Variants in HHAT observed in about 807,000 individuals in gnomAD.
The protein encoded by HHAT is hedgehog acyltransferase, also known as protein-cysteine N-palmitoyltransferase HHAT.
Under a neutral mutation model 70.8 loss-of-function variants are expected in HHAT, and 47 were observed. The observed-to-expected ratio is 0.66, with a 90% confidence interval of 0.53 to 0.85. The LOEUF (loss-of-function observed/expected upper bound fraction) is 0.85, where lower values mean the gene tolerates loss of function less well. HHAT is among the 40% of genes least tolerant of loss of function. The pLI is 0.00. For synonymous variants in HHAT, 228 were observed against 247.6 expected, an observed-to-expected ratio of 0.92 and a Z score of 0.74; for missense variants, 609 against 604.8, an observed-to-expected ratio of 1.01 and a Z score of -0.07.
At chr1:210,445,194 C>T (rs969162820) in intron 7 of HHAT, among the ~76,000 whole-genome samples, 11 of 152,144 alleles carry the variant, frequency 7.2e-5, no homozygotes, top group Admixed American at 2.0e-4. Flanking sequence ...CATAATAGTG[C>T]GGAGAATATA....
chr1:210,579,147 G>A (rs1213455483), intron 9 of HHAT, among the ~76,000 whole-genome samples: 1 of 152,172 alleles, frequency 6.6e-6, no homozygotes, highest in Non-Finnish European at 1.5e-5. Flanking sequence ...GAGATGGAGG[G>A]TGGGAGGAGG....
intron 1 of HHAT, among the ~76,000 whole-genome samples, chr1:210,347,917 A>T (rs920075490): frequency 1.5e-4 from 23 of 152,220 alleles, no homozygotes; most frequent in Admixed American, 1.2e-3. Flanking sequence ...GAATGGAGCT[A>T]TTCAGGTGTC....
intron 10 of HHAT, among the ~76,000 whole-genome samples, chr1:210,611,501 TTC>T (rs1666579233): frequency 6.6e-6 from 1 of 152,186 alleles, no homozygotes; most frequent in Non-Finnish European, 1.5e-5. Flanking sequence ...CTTTATTTAT[TTC>T]TCTTGCCTGA....
At chr1:210,655,639 A>G (rs755056527) in intron 11 of HHAT, among the ~76,000 whole-genome samples, 6 of 152,202 alleles carry the variant, frequency 3.9e-5, no homozygotes, top group Non-Finnish European at 7.3e-5. Flanking sequence ...AGGGTCTGTA[A>G]GGCACAAAAA....
intron 2 of HHAT, among the ~76,000 whole-genome samples, chr1:210,354,246 C>A (rs540994799): frequency 6.6e-5 from 9 of 135,914 alleles, no homozygotes; most frequent in Non-Finnish European, 1.2e-4. Flanking sequence ...GCTCTGTTAC[C>A]CAGGCTGGAG....
intron 9 of HHAT, among the ~76,000 whole-genome samples, chr1:210,541,890 G>A (rs12033957): frequency 0.26 from 39,153 of 152,054 alleles, 5,287 homozygotes; most frequent in Middle Eastern, 0.34. Flanking sequence ...GCCCCAGGCC[G>A]ACAATGTGAG....
At chr1:210,380,108 A>G (rs1165076822) in intron 3 of HHAT, among the ~76,000 whole-genome samples, 1 of 152,222 alleles carries the variant, frequency 6.6e-6, no homozygotes, top group East Asian at 1.9e-4. Context: ...TCATTGTATA[A>G]TCATTCAAAT....
chr1:210,474,372 C>T (rs2094264756), intron 8 of HHAT, among the ~76,000 whole-genome samples: 2 of 152,202 alleles, frequency 1.3e-5, no homozygotes. Flanking sequence ...CTCACTGCAA[C>T]CGCCACCTTC....
At chr1:210,468,243 A>AT (rs980271891) in intron 8 of HHAT, among the ~76,000 whole-genome samples, 4 of 152,098 alleles carry the variant, frequency 2.6e-5, no homozygotes, top group Non-Finnish European at 4.4e-5. Context: ...TGTAATGAGC[A>AT]TTTTTTGCCA....
chr1:210,335,030 A>G (rs2085352890), intron 1 of HHAT, among the ~76,000 whole-genome samples: 1 of 152,166 alleles, frequency 6.6e-6, no homozygotes, highest in Non-Finnish European at 1.5e-5. Flanking sequence ...AAGAGGAACC[A>G]CTTTCCGGTT....
intron 11 of HHAT, among the ~76,000 whole-genome samples, chr1:210,667,715 C>A (rs6540618): frequency 0.41 from 59,654 of 146,654 alleles, 11,930 homozygotes; most frequent in Non-Finnish European, 0.43. Context: ...CCCCAGGCAA[C>A]CCCCGATATG....
intron 2 of HHAT, 129 bp downstream of exon 2, chr1:210,349,195 C>T (rs2086794725): frequency 2.0e-6 from 2 of 976,522 alleles, no homozygotes; most frequent in Admixed American, 2.6e-5. Context: ...TTTGCTTCCC[C>T]ATGTCTTGGA....
At chr1:210,543,402 A>G (rs1419740847) in intron 9 of HHAT, among the ~76,000 whole-genome samples, 1 of 150,904 alleles carries the variant, frequency 6.6e-6, no homozygotes, top group African/African-American at 2.5e-5. Flanking sequence ...TGTTCAAATA[A>G]TCTCTCTTCA....
At chr1:210,673,180 C>T (rs1680432588) in intron 11 of HHAT, among the ~76,000 whole-genome samples, 1 of 152,140 alleles carries the variant, frequency 6.6e-6, no homozygotes, top group East Asian at 1.9e-4. Context: ...TGTCTCATTG[C>T]CAAGGACAAG....
chr1:210,581,720 T>A (rs1042910809), intron 9 of HHAT, among the ~76,000 whole-genome samples: 6 of 152,356 alleles, frequency 3.9e-5, no homozygotes, highest in Admixed American at 3.9e-4. Context: ...CTGTATTCTT[T>A]AGGAATAGGT....
intron 1 of HHAT, among the ~76,000 whole-genome samples, chr1:210,329,828 A>G (rs913531645): frequency 6.6e-6 from 1 of 152,070 alleles, no homozygotes; most frequent in African/African-American, 2.4e-5. Context: ...GCTCACTGCA[A>G]CCTCAGCATC....
chr1:210,626,362 C>G (rs1485268389), intron 11 of HHAT, among the ~76,000 whole-genome samples: 1 of 152,168 alleles, frequency 6.6e-6, no homozygotes, highest in African/African-American at 2.4e-5. Context: ...CCTCCTTGGA[C>G]TCAGGTGCCA....
intron 11 of HHAT, among the ~76,000 whole-genome samples, chr1:210,644,888 C>CT (rs139203356): frequency 0.017 from 2,576 of 152,250 alleles, 35 homozygotes; most frequent in Middle Eastern, 0.031. Context: ...GTGGGTCTGC[C>CT]TGACAGCCTT....
rs142861201 is a variant in HHAT at position 210,415,712 on chromosome 1, G to A, written c.685-2442G>A. ...CTCTGTCTGTCACCCAGGGTGGAGC[G>A]CAGTGGTACAGTCTCAGCTCATTGC... On this transcript the variant is annotated intron_variant, in intron 6 of 11. Coordinates refer to ENST00000261458, the MANE Select transcript of HHAT (RefSeq NM_018194.6). Among the ~76,000 whole-genome samples, 267 of 151,984 alleles carry A rather than the reference G, an allele frequency of 1.8e-3. 2 individuals are homozygous for A. The highest frequency in any genetic ancestry group is 6.0e-3 in the African/African-American group (250 of 41,420).
Sources: allele counts gnomAD v4.1 joint callset (sites outside exome capture counted in the v4.1 genomes callset), GRCh38; gene constraint gnomAD v4.1.1; transcripts MANE v1.5; gene names NCBI Gene and HGNC (gene_info 2026-07-23, HGNC 2026-07-21).